Variants in CIAO2A observed in about 807,000 individuals in gnomAD.
CIAO2A encodes MIP18 family protein FAM96A.
Under a neutral mutation model 22.4 loss-of-function variants are expected in CIAO2A, and 17 were observed. The ratio of observed to expected loss-of-function variants is 0.76; its 90% confidence interval spans 0.52 to 1.14. The LOEUF (loss-of-function observed/expected upper bound fraction) is 1.14. Ranked by LOEUF, CIAO2A falls within the 50% of genes most tolerant of loss-of-function variation. The probability of loss-of-function intolerance (pLI) is 0.00; values close to 1 mark genes in which losing one functional copy is unlikely to be tolerated. For missense variants in CIAO2A, 192 were observed against 191.4 expected (o/e 1.00, Z -0.02); for synonymous variants, 74 against 72.3 (o/e 1.02, Z -0.12).
chr15:64,093,306 AC>A (rs1756887965), intron 1 of CIAO2A, among the ~76,000 whole-genome samples: 1 of 152,106 alleles, frequency 6.6e-6, no homozygotes, highest in Non-Finnish European at 1.5e-5. Context: ...TTGCTTCCTA[AC>A]CAGGCACCCT....
intron 2 of CIAO2A, among the ~76,000 whole-genome samples, chr15:64,081,360 C>T (rs914851414): frequency 2.6e-5 from 4 of 152,018 alleles, no homozygotes; most frequent in African/African-American, 9.7e-5. Flanking sequence ...ATCCAATAAG[C>T]TATTACTAAT....
At chr15:64,073,800 G>C (rs888131833) in intron 4 of CIAO2A, 5 of 152,140 alleles carry the variant, frequency 3.3e-5, no homozygotes, top group Non-Finnish European at 7.3e-5. Flanking sequence ...TGTTGCCCAG[G>C]CTAGTCTTGA....
rs149870193 is a variant in CIAO2A, at chr15:64,093,705, A to C, written c.64T>G (p.Ser22Ala). ...LSRVLWLSGL[S>A]EPGAARQPRI... Reference sequence around the variant, plus strand: ...GGCTGCCGGGCAGCTCCCGGCTCAGAGAGGCCGGAGAGCCACAGGACTCTG... The same window carrying C: ...GGCTGCCGGGCAGCTCCCGGCTCAGCGAGGCCGGAGAGCCACAGGACTCTG... The change falls in exon 1 of 5, where the codon TCT (serine) becomes GCT (alanine). Residue 22 changes from serine to alanine, a missense_variant. Transcript: ENST00000300030. 152 of 1,613,934 alleles carry C rather than the reference A, an allele frequency of 9.4e-5. No homozygotes were observed. The highest frequency in any genetic ancestry group is 1.1e-4 in the Non-Finnish European group (132 of 1,179,962).
At chr15:64,088,926 A>G in intron 1 of CIAO2A, 75 bp from the exon 2 acceptor site, 1 of 1,390,508 alleles carries the variant, frequency 7.2e-7, no homozygotes, top group Non-Finnish European at 9.8e-7. Context: ...GCCAGGCCTA[A>G]TTTAAGCACT....
rs747303027 is a variant in CIAO2A, at chr15:64,088,833, C to T, written c.143G>A (p.Arg48Gln). 3.2e-5 allele frequency: 51 copies of T among 1,612,144 alleles called. 1 individual carries two copies. In the Admixed American group the frequency reaches 4.0e-4, roughly 13 times the overall value. Residue 48 changes from arginine (R) to glutamine (Q), a missense_variant, in exon 2 of 5, where the codon CGG becomes CAG. Coordinates refer to ENST00000300030, the MANE Select transcript of CIAO2A (RefSeq NM_032231.7). ...LEVYDLIRTI[R>Q]DPEKPNTLEE... ...TAAAGTATTGGGCTTTTCTGGGTCCCGGATAGTTCTAATCAAATCTAAAGA... is the reference window on the plus strand; with the variant it reads ...TAAAGTATTGGGCTTTTCTGGGTCCTGGATAGTTCTAATCAAATCTAAAGA...
chr15:64,087,420 G>A (rs368099913), intron 2 of CIAO2A, among the ~76,000 whole-genome samples: 5 of 151,838 alleles, frequency 3.3e-5, no homozygotes, highest in African/African-American at 1.2e-4. Context: ...GTGGAGATGG[G>A]GTTTCACCAT....
intron 1 of CIAO2A, among the ~76,000 whole-genome samples, chr15:64,091,220 C>A (rs529601326): frequency 2.6e-4 from 39 of 152,302 alleles, no homozygotes; most frequent in African/African-American, 9.1e-4. Flanking sequence ...ACGGCTCATG[C>A]CTGTAATCCC....
chr15:64,077,608 C>T (rs1253826082), intron 3 of CIAO2A, among the ~76,000 whole-genome samples: 1 of 152,144 alleles, frequency 6.6e-6, no homozygotes, highest in Non-Finnish European at 1.5e-5. Flanking sequence ...GCCAAAAATG[C>T]ACAAACTGAA....
chr15:64,092,459 C>G (rs2080847880), intron 1 of CIAO2A, among the ~76,000 whole-genome samples: 1 of 152,186 alleles, frequency 6.6e-6, no homozygotes, highest in African/African-American at 2.4e-5. Context: ...TTCTGTATCT[C>G]TTATTCAGTC....
Position 64,075,506 on chromosome 15 carries a change from G to T in CIAO2A, c.371C>A (p.Ser124Ter). 1 of 1,587,194 alleles carries T rather than the reference G, an allele frequency of 6.3e-7. No homozygotes were observed. Among genetic ancestry groups the T allele is most frequent in the Non-Finnish European group, 8.6e-7 (1 of 1,165,750 alleles). ...LEIYISEGTH[S>*]TEEDINKQIN... is the part of the protein sequence containing the mutation. ...CATTCACTTACTGTCTTCTTCTGTTGAGTGGGTTCCTTCAGAAATGTAGAT... is the reference window on the plus strand; with the variant it reads ...CATTCACTTACTGTCTTCTTCTGTTTAGTGGGTTCCTTCAGAAATGTAGAT... Residue 124 changes from serine to a stop codon, truncating the protein, a stop_gained, in exon 4 of 5, where the codon TCA becomes TAA. Coordinates refer to ENST00000300030, the MANE Select transcript of CIAO2A (RefSeq NM_032231.7). LOFTEE classifies it high-confidence loss of function.
chr15:64,086,351 G>T (rs1445135975), intron 2 of CIAO2A, among the ~76,000 whole-genome samples: 1 of 152,006 alleles, frequency 6.6e-6, no homozygotes, highest in African/African-American at 2.4e-5. Context: ...GGCGGAGGTT[G>T]CAGTAAGCCA....
At chr15:64,085,815 T>G (rs1232911073) in intron 2 of CIAO2A, among the ~76,000 whole-genome samples, 1 of 151,930 alleles carries the variant, frequency 6.6e-6, no homozygotes, top group Non-Finnish European at 1.5e-5. Flanking sequence ...TTCAAGCGAT[T>G]CTCCTGCCTC....
chr15:64,086,067 G>T (rs1012116532), intron 2 of CIAO2A, among the ~76,000 whole-genome samples: 3 of 151,562 alleles, frequency 2.0e-5, no homozygotes, highest in Non-Finnish European at 2.9e-5. Context: ...CAAAATTACT[G>T]CCAATAAACA....
intron 1 of CIAO2A, among the ~76,000 whole-genome samples, chr15:64,092,900 A>G (rs1325462065): frequency 6.6e-6 from 1 of 152,266 alleles, no homozygotes; most frequent in African/African-American, 2.4e-5. Context: ...GAAGTGGTGG[A>G]AAGTGCATTA....
chr15:64,076,723 CTTTTT>C (rs556233822), intron 3 of CIAO2A, among the ~76,000 whole-genome samples: 5 of 115,168 alleles, frequency 4.3e-5, no homozygotes, highest in South Asian at 2.6e-4. Flanking sequence ...CTAGTCCAAT[CTTTTT>C]TTTTTTTTTT....
chr15:64,087,387 G>A (rs1331094934), intron 2 of CIAO2A, among the ~76,000 whole-genome samples: 1 of 152,020 alleles, frequency 6.6e-6, no homozygotes, highest in Non-Finnish European at 1.5e-5. Flanking sequence ...CACCGCGCCC[G>A]GCCTAATTTT....
intron 1 of CIAO2A, 111 bp downstream of exon 1, chr15:64,093,534 C>CAA: frequency 1.6e-6 from 2 of 1,242,934 alleles, no homozygotes; most frequent in Non-Finnish European, 2.2e-6. Context: ...AACAAACAAA[C>CAA]AAAAAAAAAG....
intron 1 of CIAO2A, among the ~76,000 whole-genome samples, chr15:64,092,063 CAAAA>C (rs35475525): frequency 9.4e-5 from 6 of 63,702 alleles, no homozygotes; most frequent in Non-Finnish European, 6.3e-5. Context: ...GACCCTGTCT[CAAAA>C]AAAAAAAAAA....
At chr15:64,083,090 T>C (rs546064904) in intron 2 of CIAO2A, among the ~76,000 whole-genome samples, 2 of 150,002 alleles carry the variant, frequency 1.3e-5, no homozygotes, top group Admixed American at 6.6e-5. Flanking sequence ...TATAATAATA[T>C]CACAATATAT....
Sources: gnomAD v4.1 joint callset for allele counts (sites outside exome capture counted in the v4.1 genomes callset) on GRCh38, gnomAD v4.1.1 for gene constraint, MANE v1.5 for transcripts, NCBI Gene and HGNC (gene_info 2026-07-23, HGNC 2026-07-21) for gene names.